The following ASTN2 variants were observed in gnomAD, a reference collection of about 807,000 sequenced individuals.
ASTN2 encodes astrotactin-2.
A neutral mutation model predicts 139.8 loss-of-function variants in ASTN2; 54 were observed. That is an observed-to-expected ratio of 0.39 (90% CI 0.31 to 0.48). The LOEUF (loss-of-function observed/expected upper bound fraction) is 0.48. Ranked by LOEUF, ASTN2 falls within the 20% of genes least tolerant of loss-of-function variation. The probability of loss-of-function intolerance (pLI) is 0.95; values close to 1 mark genes in which losing one functional copy is unlikely to be tolerated. For missense variants in ASTN2, 1,565 were observed against 1,725.1 expected (o/e 0.91, Z 1.64); for synonymous variants, 756 against 719.5 (o/e 1.05, Z -0.81).
chr9:116,645,396 G>T (rs973000609), intron 17 of ASTN2, among the ~76,000 whole-genome samples: 1 of 152,036 alleles, frequency 6.6e-6, no homozygotes, highest in Non-Finnish European at 1.5e-5. Context: ...ACAGCACAAG[G>T]TATAATCAAG....
chr9:117,296,807 G>A (rs996244324), intron 1 of ASTN2, among the ~76,000 whole-genome samples: 2 of 152,154 alleles, frequency 1.3e-5, no homozygotes, highest in Non-Finnish European at 2.9e-5. Context: ...CACAGGGATT[G>A]CCTTTTCACC....
At chr9:117,353,552 AATG>A (rs1483229307) in intron 1 of ASTN2, among the ~76,000 whole-genome samples, 3 of 152,174 alleles carry the variant, frequency 2.0e-5, no homozygotes, top group African/African-American at 7.2e-5. Flanking sequence ...CTTATAGCAA[AATG>A]ATGACACCTT....
At position 117,039,838 on chromosome 9, in the gene ASTN2, G is replaced by C. The variant is rs371449284; in HGVS notation, c.1404C>G (p.Pro468=). ...PLTVKVTLHV[P]EHFIADGSSF... is the part of the protein sequence containing the mutation. Reference sequence around the variant, plus strand: ...TCTTACCATCTGCTATGAAGTGCTCGGGCACATGCAGAGTCACCTTCACAG... The same window carrying C: ...TCTTACCATCTGCTATGAAGTGCTCCGGCACATGCAGAGTCACCTTCACAG... The change falls in exon 6 of 23, where the codon CCC becomes CCG. Residue 468 remains proline (P), a synonymous_variant. Transcript: ENST00000313400. 4 of 1,613,462 alleles carry C rather than the reference G, an allele frequency of 2.5e-6. No individual in the cohort carries two copies. In the South Asian group the frequency reaches 4.4e-5, roughly 18 times the overall value.
chr9:117,343,299 T>A (rs143455996), intron 1 of ASTN2, among the ~76,000 whole-genome samples: 1 of 152,210 alleles, frequency 6.6e-6, no homozygotes. Context: ...AATTTTATAG[T>A]TACTTTTGTT....
chr9:116,781,458 C>T (rs887000661), intron 13 of ASTN2, among the ~76,000 whole-genome samples: 1 of 152,042 alleles, frequency 6.6e-6, no homozygotes, highest in African/African-American at 2.4e-5. Flanking sequence ...AAACTCAGAC[C>T]TGGGGGGCAA....
intron 17 of ASTN2, among the ~76,000 whole-genome samples, chr9:116,620,855 C>G (rs12376789): frequency 0.11 from 16,738 of 152,150 alleles, 995 homozygotes; most frequent in East Asian, 0.15. Flanking sequence ...AGGATACAAC[C>G]CAAGGCAATC....
intron 2 of ASTN2, among the ~76,000 whole-genome samples, chr9:117,218,700 C>A (rs1832413590): frequency 6.6e-6 from 1 of 152,162 alleles, no homozygotes; most frequent in Admixed American, 6.5e-5. Context: ...CTCCTATGGA[C>A]CTTCAGTTTA....
chr9:116,504,895 CA>C lies in ASTN2; in HGVS notation c.3356-17396del, dbSNP rs386416022. ...TGGATGACCAAGTGAAATCCTGTCT[CA>C]AAAAAAAAAAAAAAAAAACCCAAAA... On this transcript the variant is annotated intron_variant, in intron 19 of 22. Transcript: ENST00000313400. 8.7e-3 allele frequency among the ~76,000 whole-genome samples: 800 copies of C among 91,710 alleles called. 2 individuals are homozygous for C. The highest frequency in any genetic ancestry group is 0.013 in the Non-Finnish European group (656 of 48,608). 60.2% of individuals were successfully genotyped at this position (91,710 alleles called of 152,430 possible). A position where few individuals can be genotyped will look rare whatever the true frequency, so the allele number is the denominator to read the frequency against.
At chr9:117,049,796 A>T (rs139263598) in intron 5 of ASTN2, among the ~76,000 whole-genome samples, 1 of 152,334 alleles carries the variant, frequency 6.6e-6, no homozygotes, top group East Asian at 1.9e-4. Flanking sequence ...GGCACAACAG[A>T]TCAGTTCAGG....
chr9:117,378,265 C>T (rs1830176630), intron 1 of ASTN2, among the ~76,000 whole-genome samples: 1 of 152,134 alleles, frequency 6.6e-6, no homozygotes, highest in South Asian at 2.1e-4. Flanking sequence ...AGATCCAGGG[C>T]TCCTGGTACC....
chr9:116,997,441 A>G (rs1448335728), intron 7 of ASTN2, among the ~76,000 whole-genome samples: 1 of 152,114 alleles, frequency 6.6e-6, no homozygotes, highest in Admixed American at 6.6e-5. Context: ...TCAGTTCTGT[A>G]TTGTTTCCCT....
intron 1 of ASTN2, among the ~76,000 whole-genome samples, chr9:117,307,031 A>C (rs16934490): frequency 0.019 from 2,865 of 152,286 alleles, 101 homozygotes; most frequent in African/African-American, 0.064. Context: ...TCTAGGGCGT[A>C]TATACATTCA....
intron 19 of ASTN2, among the ~76,000 whole-genome samples, chr9:116,602,585 C>T (rs1000577118): frequency 1.3e-5 from 2 of 152,114 alleles, no homozygotes; most frequent in Non-Finnish European, 2.9e-5. Flanking sequence ...AATTATACTA[C>T]TCCATCATTG....
intron 16 of ASTN2, among the ~76,000 whole-genome samples, chr9:116,675,294 T>G (rs1474197513): frequency 6.6e-6 from 1 of 152,152 alleles, no homozygotes; most frequent in Non-Finnish European, 1.5e-5. Context: ...GTAGCTCCAT[T>G]GTAGGGTGTT....
chr9:116,608,178 T>A (rs1175462416), intron 19 of ASTN2, among the ~76,000 whole-genome samples: 1 of 152,140 alleles, frequency 6.6e-6, no homozygotes, highest in African/African-American at 2.4e-5. Flanking sequence ...ACCAAAGTGA[T>A]TACACTTCGT....
chr9:117,258,620 C>G (rs1833748698), intron 2 of ASTN2, among the ~76,000 whole-genome samples: 1 of 152,132 alleles, frequency 6.6e-6, no homozygotes, highest in South Asian at 2.1e-4. Context: ...GTCTCCATCG[C>G]CTGCAGGATA....
chr9:117,319,011 T>C (rs959913051), intron 1 of ASTN2, among the ~76,000 whole-genome samples: 6 of 152,142 alleles, frequency 3.9e-5, no homozygotes, highest in African/African-American at 1.4e-4. Flanking sequence ...TCTTGGAAAA[T>C]TGCTTCTTCT....
intron 6 of ASTN2, among the ~76,000 whole-genome samples, chr9:117,011,911 C>A (rs1190363898): frequency 1.3e-5 from 2 of 152,138 alleles, no homozygotes; most frequent in African/African-American, 4.8e-5. Context: ...TTTTATGGTC[C>A]TTTTCCTCTG....
At chr9:117,232,503 G>A (rs1832923908) in intron 2 of ASTN2, among the ~76,000 whole-genome samples, 1 of 152,216 alleles carries the variant, frequency 6.6e-6, no homozygotes, top group African/African-American at 2.4e-5. Flanking sequence ...ATTCCCATGT[G>A]AGAGGGTGCC....
Sources: gnomAD v4.1 joint callset for allele counts (sites outside exome capture counted in the v4.1 genomes callset) on GRCh38, gnomAD v4.1.1 for gene constraint, MANE v1.5 for transcripts, NCBI Gene and HGNC (gene_info 2026-07-23, HGNC 2026-07-21) for gene names.